The following GNAS variants were observed in gnomAD, a reference collection of about 807,000 sequenced individuals.
GNAS encodes the protein GNAS complex locus.
Under a neutral mutation model 54.5 loss-of-function variants are expected in GNAS, and 8 were observed. The observed-to-expected ratio is 0.15, with a 90% CI of 0.09 to 0.26. The LOEUF is 0.26. Ranked by LOEUF, GNAS falls within the 10% of genes least tolerant of loss-of-function variation. GNAS has a pLI of 1.00. For missense variants in GNAS, 170 were observed against 529.8 expected (o/e 0.32, Z 6.67); for synonymous variants, 204 against 191.4 (o/e 1.07, Z -0.54).
chr20:58,867,458 T>G (rs2087131129), intron 1 of GNAS: 1 of 152,244 alleles, frequency 6.6e-6, no homozygotes, highest in South Asian at 2.1e-4. Context: ...TCGTTCATCC[T>G]AGGGCAGTTT....
intron 6 of GNAS, among the ~76,000 whole-genome samples, chr20:58,906,430 C>T (rs973691511): frequency 2.0e-5 from 3 of 152,210 alleles, no homozygotes; most frequent in Non-Finnish European, 4.4e-5. Context: ...ACATCGTACC[C>T]GATAGCTAGA....
chr20:58,895,331 C>A, intron 1 of GNAS: 1 of 443,408 alleles, frequency 2.3e-6, no homozygotes, highest in South Asian at 2.2e-5. Context: ...TTTCCAACAC[C>A]ACCCCACAAT....
intron 6 of GNAS, among the ~76,000 whole-genome samples, chr20:58,906,216 G>C (rs2091034245): frequency 6.6e-6 from 1 of 152,212 alleles, no homozygotes; most frequent in Admixed American, 6.5e-5. Flanking sequence ...AATGGGAAAA[G>C]CATCTTTCTC....
intron 1 of GNAS, among the ~76,000 whole-genome samples, chr20:58,870,752 G>C (rs1271552573): frequency 6.6e-6 from 1 of 152,132 alleles, no homozygotes; most frequent in Admixed American, 6.5e-5. Flanking sequence ...CTCCCTTAGA[G>C]GGAACCACAC....
At chr20:58,895,126 G>A (rs2089923642) in intron 1 of GNAS, 1 of 232,046 alleles carries the variant, frequency 4.3e-6, no homozygotes, top group Non-Finnish European at 8.6e-6. Flanking sequence ...ACGTGATGTG[G>A]AAGAGACTGC....
chr20:58,864,162 T>C (rs1240378056), intron 1 of GNAS: 3 of 152,188 alleles, frequency 2.0e-5, no homozygotes, highest in Non-Finnish European at 4.4e-5. Flanking sequence ...ATAGTGTTAT[T>C]TAGGAAGTAT....
chr20:58,875,385 AAGAGCTTT>A (rs1444150758), intron 1 of GNAS, among the ~76,000 whole-genome samples: 6 of 152,210 alleles, frequency 3.9e-5, no homozygotes, highest in Non-Finnish European at 8.8e-5. Context: ...CATTTTCATA[AAGAGCTTT>A]AGAGGCCCAA....
At chr20:58,883,741 G>A (rs2088402118) in intron 1 of GNAS, among the ~76,000 whole-genome samples, 1 of 152,064 alleles carries the variant, frequency 6.6e-6, no homozygotes. Context: ...ACCAACTGGA[G>A]GCTACATGGA....
Position 58,909,981 on chromosome 20 carries a change from C to T in GNAS, c.870C>T (p.Phe290=), listed in dbSNP as rs765864395. The T allele has an allele frequency of 6.2e-7, 1 of 1,613,718 alleles. No individual in the cohort carries two copies. The highest frequency in any genetic ancestry group is 8.5e-7 in the Non-Finnish European group (1 of 1,179,566). Residue 290 remains phenylalanine (F), a synonymous_variant, in exon 11 of 13, where the codon TTC becomes TTT. Coordinates refer to ENST00000371085, the MANE Select transcript of GNAS (RefSeq NM_000516.7). The surrounding 1 kb of genome is among the most constrained non-coding windows in gnomAD (Gnocchi z 7.3). ...TGCGCACCATCTCTGTGATCCTGTTCCTCAACAAGCAAGATCTGCTCGCTG... is the reference window on the plus strand; with the variant it reads ...TGCGCACCATCTCTGTGATCCTGTTTCTCAACAAGCAAGATCTGCTCGCTG... The part of the protein sequence containing the change: ...RWLRTISVIL[F]LNKQDLLAEK...
intron 1 of GNAS, among the ~76,000 whole-genome samples, chr20:58,858,053 G>A (rs1264288215): frequency 6.6e-6 from 1 of 152,148 alleles, no homozygotes. Flanking sequence ...TTTTGACCAG[G>A]CTTCCTTTTG....
chr20:58,850,886 C>G (rs577465140), intron 1 of GNAS: 1 of 398,664 alleles, frequency 2.5e-6, no homozygotes, highest in African/African-American at 2.1e-5. Flanking sequence ...TTCGGGCGTT[C>G]CAACGCGGCG....
intron 1 of GNAS, chr20:58,882,814 G>A (rs926062005): frequency 1.5e-4 from 23 of 152,060 alleles, no homozygotes; most frequent in African/African-American, 4.8e-4. Context: ...CTTACATAAT[G>A]GAGAAGAGGG....
chr20:58,862,507 C>G (rs2145635835), intron 1 of GNAS, among the ~76,000 whole-genome samples: 1 of 150,194 alleles, frequency 6.7e-6, no homozygotes, highest in South Asian at 2.1e-4. Flanking sequence ...TTTTTTTTTT[C>G]TCCCTGCTCC....
In GNAS at chr20:58,873,730, T is replaced by C. The variant is rs2087612612; in HGVS notation, c.44-21882T>C. Among the ~76,000 whole-genome samples the C allele has an allele frequency of 6.6e-6, 1 of 152,184 alleles. No individual in the cohort carries two copies. Reference sequence around the variant, plus strand: ...TGTTCATTCATTCGATATACATGTATTGAGTGCCAAATATGTGCCCTTCCC... The same window carrying C: ...TGTTCATTCATTCGATATACATGTACTGAGTGCCAAATATGTGCCCTTCCC... On this transcript the variant is annotated intron_variant, in intron 1 of 12. Coordinates refer to the GNAS transcript ENST00000306090. This position sits in a 1 kb window ranked among gnomAD's most constrained non-coding sequence, Gnocchi z 4.3.
rs2146282262 is a variant in GNAS, at chr20:58,909,628, G to A, written c.718+49G>A. The A allele has an allele frequency of 6.2e-7, 1 of 1,614,130 alleles. No individual in the cohort carries two copies. Among genetic ancestry groups the A allele is most frequent in the Non-Finnish European group, 8.5e-7 (1 of 1,179,972 alleles). ...TTCGTAAAGAACGCTTTGCTTCTGT[G>A]TTGTTAGGGATCAGGGTCGCTGCTC... On this transcript the variant is annotated intron_variant, in intron 9 of 12. Coordinates refer to ENST00000371085, the MANE Select transcript of GNAS (RefSeq NM_000516.7). The surrounding 1 kb of genome is among the most constrained non-coding windows in gnomAD (Gnocchi z 7.3).
At chr20:58,854,500 A>C (rs2086344700) in intron 1 of GNAS, 1 of 1,568,050 alleles carries the variant, frequency 6.4e-7, no homozygotes, top group African/African-American at 1.5e-5. Flanking sequence ...GAAGATCCCG[A>C]CTCCGGGACA....
intron 1 of GNAS, among the ~76,000 whole-genome samples, chr20:58,879,073 A>C (rs1167409200): frequency 6.6e-6 from 1 of 152,234 alleles, no homozygotes. Context: ...GAAAATATGC[A>C]GGCTTTTGAG....
At chr20:58,894,394 C>T (rs892120996) in intron 1 of GNAS, among the ~76,000 whole-genome samples, 1 of 152,172 alleles carries the variant, frequency 6.6e-6, no homozygotes, top group East Asian at 1.9e-4. Context: ...ATCAATGTTT[C>T]TGTGGAAACT....
At chr20:58,889,489 TTC>T (rs566336302), upstream of GNAS, 18 of 282,874 alleles carry the variant, frequency 6.4e-5, no homozygotes, top group Non-Finnish European at 9.5e-5. Flanking sequence ...CACCCCCCAA[TTC>T]TCTCTCTTTT....
Sources: allele counts gnomAD v4.1 joint callset (sites outside exome capture counted in the v4.1 genomes callset), GRCh38; gene constraint gnomAD v4.1.1; non-coding constraint Gnocchi (gnomAD v3.1); transcripts MANE v1.5; gene names NCBI Gene and HGNC (gene_info 2026-07-23, HGNC 2026-07-21).